Variants in SLC36A2 observed in about 807,000 individuals in gnomAD.
SLC36A2 encodes solute carrier family 36 member 2, also known as proton-coupled amino acid transporter 2.
SLC36A2 carries 39 observed loss-of-function variants against 42.7 expected under a neutral mutation model. The ratio of observed to expected loss-of-function variants is 0.91; its 90% CI spans 0.71 to 1.19. The LOEUF (loss-of-function observed/expected upper bound fraction) is 1.19. SLC36A2 is among the 50% of genes most tolerant of loss of function. The pLI is 0.00. For synonymous variants in SLC36A2, 237 were observed against 240.8 expected, an observed-to-expected ratio of 0.98 and a Z score of 0.15; for missense variants, 590 against 613.7, an observed-to-expected ratio of 0.96 and a Z score of 0.41.
intron 8 of SLC36A2, among the ~76,000 whole-genome samples, chr5:151,322,783 G>A (rs73281829): frequency 0.082 from 12,456 of 152,250 alleles, 791 homozygotes; most frequent in African/African-American, 0.17. Flanking sequence ...TGGAATATAA[G>A]GAGAAACAGG....
chr5:151,347,198 A>C (rs1756519608), intron 1 of SLC36A2, 99 bp downstream of exon 1: 5 of 1,444,302 alleles, frequency 3.5e-6, no homozygotes, highest in Non-Finnish European at 4.9e-6. Flanking sequence ...TCTCATCTGC[A>C]CAGTGGGTTG....
intron 9 of SLC36A2, among the ~76,000 whole-genome samples, chr5:151,320,571 C>G (rs188190038): frequency 8.5e-4 from 129 of 152,276 alleles, no homozygotes; most frequent in Middle Eastern, 3.4e-3. Context: ...AATCTCTAGC[C>G]ATCTCCTTCG....
intron 4 of SLC36A2, among the ~76,000 whole-genome samples, chr5:151,339,452 AG>A (rs35318536): frequency 6.6e-6 from 1 of 152,070 alleles, no homozygotes; most frequent in Non-Finnish European, 1.5e-5. Flanking sequence ...CTGGGATTAC[AG>A]GCATGTGCCA....
At chr5:151,341,455 C>G (rs151213879) in intron 4 of SLC36A2, among the ~76,000 whole-genome samples, 230 of 152,222 alleles carry the variant, frequency 1.5e-3, no homozygotes, top group African/African-American at 3.9e-3. Context: ...TTTAGGGAAG[C>G]ACAGTTCAAA....
intron 4 of SLC36A2, among the ~76,000 whole-genome samples, chr5:151,340,164 A>G (rs13359824): frequency 1.1e-4 from 7 of 65,188 alleles, no homozygotes; most frequent in African/African-American, 3.8e-4. Flanking sequence ...AGGAGGAAGA[A>G]GAGGAAGGAG....
chr5:151,344,076 A>G (rs1276369669), intron 2 of SLC36A2, 101 bp downstream of exon 2: 3 of 1,098,770 alleles, frequency 2.7e-6, no homozygotes, highest in Non-Finnish European at 4.1e-6. Flanking sequence ...GCTGTGTCCC[A>G]GAAAGACTGC....
intron 8 of SLC36A2, among the ~76,000 whole-genome samples, chr5:151,324,829 G>A (rs1004493150): frequency 6.6e-6 from 1 of 152,092 alleles, no homozygotes; most frequent in Non-Finnish European, 1.5e-5. Flanking sequence ...TTGTAGAAGT[G>A]GGGTCTTACC....
rs1755477848 is a variant in SLC36A2, at chr5:151,315,881, C to T, written c.*936G>A. The T allele has an allele frequency of 6.6e-6, 1 of 152,244 alleles. No individual in the cohort carries two copies. The highest frequency in any genetic ancestry group is 2.1e-4 in the South Asian group (1 of 4,826). 9.4% of individuals were successfully genotyped at this position (152,244 alleles called of 1,614,324 possible). Reference sequence around the variant, plus strand: ...TCCTCATCCCTCCCCATTGGCACATCTACTTCCATGCCTCCTATTCATTGT... The same window carrying T: ...TCCTCATCCCTCCCCATTGGCACATTTACTTCCATGCCTCCTATTCATTGT... On this transcript the variant is annotated 3_prime_UTR_variant, in exon 10 of 10. Coordinates refer to ENST00000335244, the MANE Select transcript of SLC36A2 (RefSeq NM_181776.3).
At chr5:151,322,799 T>C (rs1248415247) in intron 8 of SLC36A2, among the ~76,000 whole-genome samples, 1 of 152,228 alleles carries the variant, frequency 6.6e-6, no homozygotes, top group Non-Finnish European at 1.5e-5. Context: ...ACAGGGGTAC[T>C]TGCCAGCCTC....
chr5:151,344,661 C>A (rs1312087488), intron 1 of SLC36A2, among the ~76,000 whole-genome samples: 1 of 152,178 alleles, frequency 6.6e-6, no homozygotes, highest in Non-Finnish European at 1.5e-5. Context: ...AGATTTAACA[C>A]AGTGCTGCTT....
chr5:151,337,757 T>C (rs936665203), intron 5 of SLC36A2, among the ~76,000 whole-genome samples: 2 of 152,136 alleles, frequency 1.3e-5, no homozygotes, highest in Admixed American at 6.6e-5. Context: ...TGTCCAGCAA[T>C]AGAAGATTGA....
rs779325942 is a variant in SLC36A2 at position 151,335,578 on chromosome 5, G to A, written c.526-31C>T. The A allele has an allele frequency of 2.0e-6, 3 of 1,473,066 alleles. No individual in the cohort carries two copies. The South Asian group carries it at 3.4e-5, about 17-fold the overall frequency. The allele number at this position is 1,473,066 out of a possible 1,614,324, so 91.2% of individuals were successfully genotyped here. On this transcript the variant is annotated intron_variant, in intron 5 of 9. Transcript: ENST00000335244. Reference sequence around the variant, plus strand: ...GAAGGAATGGGAGAGGCAAAAGGGGGAGATGATGAGTCTTCTAACCTCATG... The same window carrying A: ...GAAGGAATGGGAGAGGCAAAAGGGGAAGATGATGAGTCTTCTAACCTCATG...
Position 151,316,753 on chromosome 5 carries a change from A to AAAAG in SLC36A2, c.*63_*64insCTTT. 4 of 1,485,052 alleles carry AAAAG rather than the reference A, an allele frequency of 2.7e-6. No homozygotes were observed. The East Asian group carries it at 9.7e-5, about 36-fold the overall frequency. 92.0% of individuals were successfully genotyped at this position (1,485,052 alleles called of 1,614,324 possible). A position where few individuals can be genotyped will look rare whatever the true frequency, so the allele number is the denominator to read the frequency against. ...GAAACTCCGTCTCAAAAAAAAAAAAAAAAAAAAAAAGAGATCCATATAATT... is the reference window on the plus strand; with the variant it reads ...GAAACTCCGTCTCAAAAAAAAAAAAAAAAGAAAAAAAAAAGAGATCCATATAATT... On this transcript the variant is annotated 3_prime_UTR_variant, in exon 10 of 10. Transcript: ENST00000335244.
At chr5:151,344,038 A>T in intron 2 of SLC36A2, 139 bp downstream of exon 2, 1 of 780,904 alleles carries the variant, frequency 1.3e-6, no homozygotes, top group Non-Finnish European at 2.2e-6. Flanking sequence ...AACCCAGGCT[A>T]GATGTCTAGA....
At position 151,325,411 on chromosome 5, in the gene SLC36A2, G is replaced by A. The variant is rs1755825506; in HGVS notation, c.885C>T (p.Phe295=). 1 of 1,614,056 alleles carries A rather than the reference G, an allele frequency of 6.2e-7. No homozygotes were observed. Residue 295 remains phenylalanine (F), a synonymous_variant, in exon 8 of 10, where the codon TTC becomes TTT. Coordinates refer to ENST00000335244, the MANE Select transcript of SLC36A2 (RefSeq NM_181776.3). ...ACATTCCCAAAGACAGGATGGCTGG[G>A]AAGTGGCGGGCATTCTTCATCTTGT... ...LENKMKNARH[F]PAILSLGMSI...
chr5:151,334,719 A>G (rs1756097151), intron 6 of SLC36A2, among the ~76,000 whole-genome samples: 1 of 152,184 alleles, frequency 6.6e-6, no homozygotes, highest in Non-Finnish European at 1.5e-5. Flanking sequence ...GTAAATAAAT[A>G]AAAGAAAAAT....
At chr5:151,345,297 G>A (rs1053970229) in intron 1 of SLC36A2, among the ~76,000 whole-genome samples, 5 of 152,116 alleles carry the variant, frequency 3.3e-5, no homozygotes, top group Admixed American at 1.3e-4. Context: ...ACTCTGAAAG[G>A]AGCCCGGTCT....
intron 8 of SLC36A2, among the ~76,000 whole-genome samples, chr5:151,323,160 G>A (rs1452414633): frequency 6.6e-6 from 1 of 152,018 alleles, no homozygotes; most frequent in Admixed American, 6.6e-5. Context: ...ACTTGAACCC[G>A]GGAGGTAGAG....
At chr5:151,329,631 A>G (rs142969280) in intron 7 of SLC36A2, among the ~76,000 whole-genome samples, 3 of 152,076 alleles carry the variant, frequency 2.0e-5, no homozygotes, top group East Asian at 1.9e-4. Context: ...TGGAAATATT[A>G]TAACTGGAAA....
Sources: gnomAD v4.1 joint callset for allele counts (sites outside exome capture counted in the v4.1 genomes callset) on GRCh38, gnomAD v4.1.1 for gene constraint, MANE v1.5 for transcripts, NCBI Gene and HGNC (gene_info 2026-07-23, HGNC 2026-07-21) for gene names.